Variants in NBEA observed in about 807,000 individuals in gnomAD.
NBEA encodes the protein lysosomal-trafficking regulator 2.
Under a neutral mutation model 343.4 loss-of-function variants are expected in NBEA, and 44 were observed. The ratio of observed to expected loss-of-function variants is 0.13; its 90% CI spans 0.10 to 0.16. The LOEUF (loss-of-function observed/expected upper bound fraction) is 0.16, where lower values mean the gene tolerates loss of function less well. Ranked by LOEUF, NBEA falls within the 10% of genes least tolerant of loss-of-function variation. The pLI is 1.00. For synonymous variants in NBEA, 1,175 were observed against 1,238.7 expected, an observed-to-expected ratio of 0.95 and a Z score of 1.08; for missense variants, 2,555 against 3,631.3, an observed-to-expected ratio of 0.70 and a Z score of 7.62.
At position 35,631,641 on chromosome 13, in the gene NBEA, A is replaced by T. The variant is rs932985136; in HGVS notation, c.7617+3393A>T. Reference sequence around the variant, plus strand: ...ATATCTATATATGTCTCCTTTGTAAAAAAAAAAAAAAAAAAAAAAATTCTA... The same window carrying T: ...ATATCTATATATGTCTCCTTTGTAATAAAAAAAAAAAAAAAAAAAATTCTA... On this transcript the variant is annotated intron_variant, in intron 49 of 58. Transcript: ENST00000379939. Among the ~76,000 whole-genome samples the T allele has an allele frequency of 3.8e-3, 257 of 66,838 alleles. 3 individuals are homozygous for T. The highest frequency in any genetic ancestry group is 0.012 in the Middle Eastern group (2 of 166). The allele number at this position is 66,838 out of a possible 152,430, so 43.8% of individuals were successfully genotyped here.
At chr13:35,644,543 G>A (rs1364070509) in intron 49 of NBEA, among the ~76,000 whole-genome samples, 1 of 152,152 alleles carries the variant, frequency 6.6e-6, no homozygotes, top group African/African-American at 2.4e-5. Flanking sequence ...ATTAAAACAT[G>A]TTTAATTTTA....
chr13:35,076,316 A>G (rs1393549392), intron 10 of NBEA, among the ~76,000 whole-genome samples: 1 of 151,974 alleles, frequency 6.6e-6, no homozygotes, highest in South Asian at 2.1e-4. Context: ...ATGTACTTGC[A>G]CTACTACTTT....
chr13:35,322,993 G>A (rs1249140776), intron 36 of NBEA, among the ~76,000 whole-genome samples: 8 of 152,046 alleles, frequency 5.3e-5, no homozygotes, highest in Admixed American at 5.2e-4. Context: ...GGGACTATAG[G>A]CACGAGCCAC....
At chr13:35,294,793 A>C (rs1454452314) in intron 35 of NBEA, among the ~76,000 whole-genome samples, 1 of 152,168 alleles carries the variant, frequency 6.6e-6, no homozygotes, top group East Asian at 1.9e-4. Context: ...CTATGTACCA[A>C]CAATAAGATT....
chr13:35,211,243 A>G, intron 33 of NBEA, 64 bp downstream of exon 33: 1 of 1,280,806 alleles, frequency 7.8e-7, no homozygotes, highest in Non-Finnish European at 1.1e-6. Context: ...GTACACAAAA[A>G]TACAAAAATA....
At chr13:35,168,857 A>C (rs1341979939) in intron 24 of NBEA, 130 bp from the exon 25 acceptor site, 1 of 593,840 alleles carries the variant, frequency 1.7e-6, no homozygotes, top group Non-Finnish European at 2.5e-6. Context: ...GCTTTTAATA[A>C]AATAATCAAA....
In NBEA at chr13:35,352,265, C is replaced by G; in HGVS notation, c.6121C>G (p.Gln2041Glu). ...RDHVTANQLK[Q>E]KILNILTNKH... Reference sequence around the variant, plus strand: ...TCATGTAACAGCAAATCAGCTGAAACAGAAGATTCTCAATATTCTCACAAA... The same window carrying G: ...TCATGTAACAGCAAATCAGCTGAAAGAGAAGATTCTCAATATTCTCACAAA... The change falls in exon 38 of 59, where the codon CAG (glutamine) becomes GAG (glutamate). Residue 2041 changes from glutamine (Q) to glutamate (E), a missense_variant. By Grantham distance (29) the Gln-to-Glu change is conservative. Transcript: ENST00000379939. 6.4e-7 allele frequency: 1 copy of G among 1,554,658 alleles called. No homozygotes were observed. The highest frequency in any genetic ancestry group is 8.7e-7 in the Non-Finnish European group (1 of 1,146,178).
intron 41 of NBEA, among the ~76,000 whole-genome samples, chr13:35,530,206 A>G (rs571519026): frequency 4.5e-4 from 68 of 152,238 alleles, no homozygotes; most frequent in Non-Finnish European, 8.2e-4. Flanking sequence ...TGAAACAAAA[A>G]GCATTGTTTC....
chr13:35,291,883 C>T (rs1250465923), intron 35 of NBEA, among the ~76,000 whole-genome samples: 1 of 151,912 alleles, frequency 6.6e-6, no homozygotes, highest in Admixed American at 6.6e-5. Context: ...ATGCAGTGCA[C>T]TTTCTTTCAG....
chr13:35,288,401 C>T (rs2152816540), intron 34 of NBEA, among the ~76,000 whole-genome samples: 1 of 151,974 alleles, frequency 6.6e-6, no homozygotes, highest in South Asian at 2.1e-4. Flanking sequence ...CTGTCCAAAA[C>T]TAATTAGACA....
intron 41 of NBEA, among the ~76,000 whole-genome samples, chr13:35,503,123 T>C (rs2076948482): frequency 6.6e-6 from 1 of 152,024 alleles, no homozygotes; most frequent in African/African-American, 2.4e-5. Context: ...TCAATCAGTC[T>C]TTATTTTTTT....
intron 38 of NBEA, among the ~76,000 whole-genome samples, chr13:35,426,394 C>T (rs959465916): frequency 6.6e-6 from 1 of 152,106 alleles, no homozygotes; most frequent in African/African-American, 2.4e-5. Context: ...TTTTATTTCT[C>T]CTTCACTTAT....
chr13:35,340,775 C>A (rs1025733920), intron 36 of NBEA, among the ~76,000 whole-genome samples: 1 of 151,858 alleles, frequency 6.6e-6, no homozygotes. Context: ...GGAAATACCT[C>A]CCAGGTTTTA....
intron 34 of NBEA, among the ~76,000 whole-genome samples, chr13:35,253,477 G>A (rs1197414923): frequency 1.3e-5 from 2 of 152,210 alleles, no homozygotes; most frequent in Non-Finnish European, 2.9e-5. Context: ...AACGAGAATT[G>A]TGTGGCTTGC....
At chr13:35,266,892 T>C (rs182491264) in intron 34 of NBEA, among the ~76,000 whole-genome samples, 4 of 152,102 alleles carry the variant, frequency 2.6e-5, no homozygotes, top group Non-Finnish European at 4.4e-5. Flanking sequence ...ACTTAACTAC[T>C]ACTAGCCTTC....
chr13:35,049,397 T>C (rs1351291098), intron 5 of NBEA, among the ~76,000 whole-genome samples: 2 of 151,868 alleles, frequency 1.3e-5, no homozygotes, highest in African/African-American at 4.8e-5. Context: ...CTTGTACTTT[T>C]GGTGTCTTCA....
At chr13:35,593,828 TTGCGTAGCC>T (rs1340285020) in intron 47 of NBEA, among the ~76,000 whole-genome samples, 1 of 152,088 alleles carries the variant, frequency 6.6e-6, no homozygotes, top group Non-Finnish European at 1.5e-5. Flanking sequence ...GGCTTGGGGT[TTGCGTAGCC>T]TGGGGCAATT....
At chr13:35,645,431 T>C (rs1367610296) in intron 49 of NBEA, among the ~76,000 whole-genome samples, 1 of 152,224 alleles carries the variant, frequency 6.6e-6, no homozygotes. Flanking sequence ...CTTAAGTTTC[T>C]TTTAAGATGA....
At chr13:35,246,396 C>G (rs2031193556) in intron 34 of NBEA, among the ~76,000 whole-genome samples, 1 of 152,064 alleles carries the variant, frequency 6.6e-6, no homozygotes, top group African/African-American at 2.4e-5. Flanking sequence ...TTTTATGGTT[C>G]CTTCCCATTT....
Sources: gnomAD v4.1 joint callset for allele counts (sites outside exome capture counted in the v4.1 genomes callset) on GRCh38, gnomAD v4.1.1 for gene constraint, MANE v1.5 for transcripts, NCBI Gene and HGNC (gene_info 2026-07-23, HGNC 2026-07-21) for gene names.